Variants in MCC observed in about 807,000 individuals in gnomAD.
MCC encodes the protein colorectal mutant cancer protein.
Under a neutral mutation model 116.2 loss-of-function variants are expected in MCC, and 90 were observed. The observed-to-expected ratio is 0.77, with a 90% CI of 0.65 to 0.92. The LOEUF (loss-of-function observed/expected upper bound fraction) is 0.92, where lower values mean the gene tolerates loss of function less well. MCC is among the 40% of genes least tolerant of loss of function. The pLI is 0.00. For synonymous variants in MCC, 578 were observed against 510.5 expected (o/e 1.13, Z -1.78); for missense variants, 1,516 against 1,312.2 (o/e 1.16, Z -2.40).
chr5:113,381,824 A>C (rs948836521), intron 2 of MCC, among the ~76,000 whole-genome samples: 7 of 152,248 alleles, frequency 4.6e-5, no homozygotes, highest in Non-Finnish European at 7.4e-5. Flanking sequence ...GACCACAAGA[A>C]ATCATCTAAG....
At chr5:113,322,177 T>G (rs1472488345) in intron 3 of MCC, among the ~76,000 whole-genome samples, 1 of 152,214 alleles carries the variant, frequency 6.6e-6, no homozygotes, top group Non-Finnish European at 1.5e-5. Context: ...TGGATGCTAC[T>G]GATTTGTGGA....
intron 2 of MCC, among the ~76,000 whole-genome samples, chr5:113,377,145 T>C (rs1357319572): frequency 6.6e-6 from 1 of 152,192 alleles, no homozygotes; most frequent in Non-Finnish European, 1.5e-5. Context: ...CCTAACTGCC[T>C]AGGCTTCTCC....
chr5:113,380,717 G>A (rs968438427), intron 2 of MCC, among the ~76,000 whole-genome samples: 1 of 152,208 alleles, frequency 6.6e-6, no homozygotes, highest in Non-Finnish European at 1.5e-5. Context: ...AAGCAGTTAA[G>A]GGCATGTGAA....
chr5:113,269,540 T>C (rs960803782), intron 3 of MCC, among the ~76,000 whole-genome samples: 1 of 152,212 alleles, frequency 6.6e-6, no homozygotes. Flanking sequence ...TGTTTGCCAT[T>C]ATTACACTTG....
intron 3 of MCC, among the ~76,000 whole-genome samples, chr5:113,245,990 T>C (rs1252654431): frequency 1.3e-5 from 2 of 152,210 alleles, no homozygotes; most frequent in Non-Finnish European, 2.9e-5. Context: ...AAGATCTTGT[T>C]ATAAAGGCTT....
intron 4 of MCC, among the ~76,000 whole-genome samples, chr5:113,146,185 T>C (rs1157151301): frequency 2.4e-5 from 2 of 84,008 alleles, no homozygotes; most frequent in Non-Finnish European, 5.3e-5. Flanking sequence ...AGACATTTCT[T>C]AAATGAGACT....
rs34554112 is a variant in MCC, at chr5:113,198,045, G to A, written c.628-46623C>T. ...GAACTGGTGGCCAGCCACGCTGTGA[G>A]CCTATATAATTCAGTTAACAGGAAA... On this transcript the variant is annotated intron_variant, in intron 3 of 18. Coordinates refer to ENST00000408903, the MANE Select transcript of MCC (RefSeq NM_001085377.2). Among the ~76,000 whole-genome samples the A allele has an allele frequency of 2.6e-3, 402 of 152,358 alleles. 3 individuals are homozygous for A. Among genetic ancestry groups the A allele is most frequent in the Non-Finnish European group, 4.3e-3 (291 of 68,042 alleles).
At chr5:113,354,798 T>TATA (rs1768369892) in intron 2 of MCC, among the ~76,000 whole-genome samples, 1 of 145,864 alleles carries the variant, frequency 6.9e-6, no homozygotes, top group Non-Finnish European at 1.5e-5. Flanking sequence ...TTATTATTAT[T>TATA]ATTATTATTC....
chr5:113,472,636 G>A (rs913276283), intron 1 of MCC, among the ~76,000 whole-genome samples: 2 of 152,206 alleles, frequency 1.3e-5, no homozygotes, highest in Non-Finnish European at 2.9e-5. Context: ...GAAGTAATCT[G>A]TAAAGTAACT....
At chr5:113,305,901 A>C (rs1397930163) in intron 3 of MCC, among the ~76,000 whole-genome samples, 1 of 152,216 alleles carries the variant, frequency 6.6e-6, no homozygotes, top group Non-Finnish European at 1.5e-5. Flanking sequence ...CATACTCATT[A>C]GCAGTCACTC....
At chr5:113,484,754 A>G (rs1423125575) in intron 1 of MCC, among the ~76,000 whole-genome samples, 1 of 152,240 alleles carries the variant, frequency 6.6e-6, no homozygotes, top group Non-Finnish European at 1.5e-5. Context: ...CAACATAAGC[A>G]GTTTCTTATA....
rs776859134 is a variant in MCC, at chr5:113,029,000, G to C, written c.2813C>G (p.Thr938Ser). The C allele has an allele frequency of 1.2e-6, 2 of 1,613,900 alleles. No homozygotes were observed. Among genetic ancestry groups the C allele is most frequent in the South Asian group, 2.2e-5 (2 of 91,026 alleles). ...CTGATGTCGGATTTCACTGCTCTTG[G>C]TGAGTCTCTCCAAGGCACTCACCAG... ...QELVSALERL[T>S]KSSEIRHQQS... The change falls in exon 18 of 19, where the codon ACC (threonine) becomes AGC (serine). Residue 938 changes from threonine (T) to serine (S), a missense_variant. Thr to Ser is a moderately conservative substitution (Grantham distance 58). Transcript: ENST00000408903.
intron 2 of MCC, among the ~76,000 whole-genome samples, chr5:113,359,380 A>G (rs1229247991): frequency 1.3e-5 from 2 of 152,262 alleles, no homozygotes; most frequent in Admixed American, 1.3e-4. Context: ...ACTGTGCCCA[A>G]GTGAGTTCAG....
At chr5:113,414,558 G>A (rs1335104518) in intron 1 of MCC, among the ~76,000 whole-genome samples, 2 of 152,044 alleles carry the variant, frequency 1.3e-5, no homozygotes, top group Admixed American at 6.6e-5. Context: ...TTGGTTTAAA[G>A]TCCGTTTTAT....
At position 113,445,177 on chromosome 5, in the gene MCC, T is replaced by G. The variant is rs183863901; in HGVS notation, c.170+43068A>C. Among the ~76,000 whole-genome samples the G allele has an allele frequency of 1.1e-4, 16 of 152,264 alleles. No homozygotes were observed. In the East Asian group the frequency reaches 3.1e-3, roughly 29 times the overall value. On this transcript the variant is annotated intron_variant, in intron 1 of 18. Transcript: ENST00000408903. Reference sequence around the variant, plus strand: ...TATTTATCTAAGTTCTGAATTGGGTTTAGGGCACCAGATCTAGGGATGTTT... The same window carrying G: ...TATTTATCTAAGTTCTGAATTGGGTGTAGGGCACCAGATCTAGGGATGTTT...
At chr5:113,039,722 C>A (rs865968417) in intron 17 of MCC, among the ~76,000 whole-genome samples, 20 of 127,258 alleles carry the variant, frequency 1.6e-4, no homozygotes, top group Non-Finnish European at 2.8e-4. Context: ...CCCCCCCCCC[C>A]AACCCACCCC....
At chr5:113,202,215 A>G (rs6870613) in intron 3 of MCC, among the ~76,000 whole-genome samples, 31,603 of 145,678 alleles carry the variant, frequency 0.22, 3,636 homozygotes, top group Admixed American at 0.3. Flanking sequence ...CAAAAGGGGG[A>G]AAAAAAAAAA....
chr5:113,353,754 A>G lies in MCC; in HGVS notation c.416-13024T>C, dbSNP rs143989261. On this transcript the variant is annotated intron_variant, in intron 2 of 18. Transcript: ENST00000408903. The stretch of plus-strand genomic sequence containing the variant: ...GCAAAGTGCATGAGGCACTTTAGAC[A>G]TGTTGTGATATTTTTATTTTTAGCT... Among the ~76,000 whole-genome samples, 17 of 152,354 alleles carry G rather than the reference A, an allele frequency of 1.1e-4. No individual in the cohort carries two copies. The East Asian group carries it at 3.1e-3, about 28-fold the overall frequency.
chr5:113,478,338 G>A (rs927329981), intron 1 of MCC, among the ~76,000 whole-genome samples: 51 of 152,240 alleles, frequency 3.3e-4, no homozygotes, highest in African/African-American at 1.2e-3. Context: ...TGATAAACAA[G>A]TGATGGTTTG....
Sources: gnomAD v4.1 joint callset for allele counts (sites outside exome capture counted in the v4.1 genomes callset) on GRCh38, gnomAD v4.1.1 for gene constraint, MANE v1.5 for transcripts, NCBI Gene and HGNC (gene_info 2026-07-23, HGNC 2026-07-21) for gene names.